Variants in SLC9A8 observed in about 807,000 individuals in gnomAD.
SLC9A8 encodes sodium/hydrogen exchanger 8.
SLC9A8 carries 48 observed loss-of-function variants against 66.6 expected under a neutral mutation model. The observed-to-expected ratio is 0.72, with a 90% CI of 0.57 to 0.92. The LOEUF is 0.92. Among genes scored for constraint, SLC9A8 ranks in the 40% least tolerant of loss-of-function variants. The pLI is 0.00. For synonymous variants in SLC9A8, 274 were observed against 282.6 expected (o/e 0.97, Z 0.31); for missense variants, 599 against 747.3 (o/e 0.80, Z 2.31).
chr20:49,852,897 A>G (rs1442271706), intron 7 of SLC9A8, among the ~76,000 whole-genome samples: 1 of 151,812 alleles, frequency 6.6e-6, no homozygotes, highest in African/African-American at 2.4e-5. Context: ...AAGGTTGAGC[A>G]TGCGCACCCG....
intron 2 of SLC9A8, among the ~76,000 whole-genome samples, chr20:49,819,498 C>G (rs1378791887): frequency 6.6e-6 from 1 of 152,078 alleles, no homozygotes; most frequent in African/African-American, 2.4e-5. Context: ...TCTTGGAGAT[C>G]ATTGTATTGG....
At chr20:49,864,187 G>A (rs144040399) in intron 9 of SLC9A8, among the ~76,000 whole-genome samples, 1 of 152,290 alleles carries the variant, frequency 6.6e-6, no homozygotes, top group Non-Finnish European at 1.5e-5. Context: ...CTTTCACAGG[G>A]GCATGAGTTT....
At position 49,850,865 on chromosome 20, in the gene SLC9A8, C is replaced by CTTA. The variant is rs768707130; in HGVS notation, c.569+21_569+22insTTA. The CTTA allele has an allele frequency of 3.2e-6, 5 of 1,570,770 alleles. No individual in the cohort carries two copies. The African/African-American group carries it at 5.5e-5, about 17-fold the overall frequency. On this transcript the variant is annotated intron_variant, in intron 7 of 15. Transcript: ENST00000361573. ...GACAGGTAAATCCTTCATACTGTAA[C>CTTA]ACCCATGCGACTGCTTTTCAGACAG...
chr20:49,869,301 CCTCTGCCTCCCAGGTTCAAGCAATT>C (rs1381981199), intron 10 of SLC9A8, among the ~76,000 whole-genome samples: 1 of 152,132 alleles, frequency 6.6e-6, no homozygotes, highest in African/African-American at 2.4e-5. Flanking sequence ...CTCACTGCGA[CCTCTGCCTCCCAGGTTCAAGCAATT>C]CTCTGCCTCA....
chr20:49,813,071 T>G, intron 1 of SLC9A8, 123 bp downstream of exon 1: 1 of 580,400 alleles, frequency 1.7e-6, no homozygotes, highest in Non-Finnish European at 2.5e-6. Flanking sequence ...TGGCCAGGAC[T>G]GACCAAGCCG....
chr20:49,826,262 A>G (rs2086908503), intron 3 of SLC9A8, among the ~76,000 whole-genome samples: 1 of 152,234 alleles, frequency 6.6e-6, no homozygotes, highest in Non-Finnish European at 1.5e-5. Flanking sequence ...TCTGTATTTC[A>G]TAAAGCTAAA....
chr20:49,820,280 G>C (rs2072250884), intron 2 of SLC9A8, among the ~76,000 whole-genome samples: 1 of 152,046 alleles, frequency 6.6e-6, no homozygotes, highest in South Asian at 2.1e-4. Flanking sequence ...CTTGAGGCCA[G>C]GAGTTCGAGA....
At position 49,837,336 on chromosome 20, in the gene SLC9A8, G is replaced by C. The variant is rs557599785; in HGVS notation, c.290-2205G>C. Among the ~76,000 whole-genome samples the C allele has an allele frequency of 2.0e-5, 3 of 152,216 alleles. No individual in the cohort carries two copies. The South Asian group carries it at 6.2e-4, about 32-fold the overall frequency. On this transcript the variant is annotated intron_variant, in intron 3 of 15. Transcript: ENST00000361573. ...GACCTCCTGAGGCTGTGTCAAGGGT[G>C]GTCATCCTTAATGTTGGCAAAATAA...
intron 2 of SLC9A8, among the ~76,000 whole-genome samples, chr20:49,817,029 A>G (rs1424463126): frequency 6.7e-6 from 1 of 148,860 alleles, no homozygotes; most frequent in Non-Finnish European, 1.5e-5. Context: ...CGCCCAGCCA[A>G]GTCCAAATTC....
At chr20:49,813,167 C>T (rs538192385) in intron 1 of SLC9A8, among the ~76,000 whole-genome samples, 4 of 152,358 alleles carry the variant, frequency 2.6e-5, no homozygotes, top group Admixed American at 6.5e-5. Flanking sequence ...AGCTGGGAAT[C>T]TACTGCCCAG....
At chr20:49,849,489 T>G (rs1203852389) in intron 5 of SLC9A8, 90 bp from the exon 6 acceptor site, 1 of 970,390 alleles carries the variant, frequency 1.0e-6, no homozygotes, top group Non-Finnish European at 1.6e-6. Flanking sequence ...GAGAATCAAG[T>G]CTGCACGGAG....
In SLC9A8 at chr20:49,850,830, CAACAT is replaced by C; in HGVS notation, c.556_560del (p.Asn186AspfsTer54). 6.2e-7 allele frequency: 1 copy of C among 1,610,068 alleles called. No individual in the cohort carries two copies. The highest frequency in any genetic ancestry group is 8.5e-7 in the Non-Finnish European group (1 of 1,178,632). Reference sequence around the variant, plus strand: ...TACAGGCTGATGTAATCTCTAAACTCAACATGACAGACAGGTAAATCCTTCATACT... The same window carrying C: ...TACAGGCTGATGTAATCTCTAAACTCGACAGACAGGTAAATCCTTCATACT... On this transcript the variant is annotated frameshift_variant, in exon 7 of 16. Transcript: ENST00000361573. LOFTEE classifies it high-confidence loss of function.
Position 49,874,798 on chromosome 20 carries a change from T to A in SLC9A8, c.1052T>A (p.Leu351His). 1 of 1,613,214 alleles carries A rather than the reference T, an allele frequency of 6.2e-7. No individual in the cohort carries two copies. Among genetic ancestry groups the A allele is most frequent in the South Asian group, 1.1e-5 (1 of 91,066 alleles). ...ACCCAGATCCTCATGCAGCAGACCC[T>A]CCGCACCGTGGCCTTCTTATGTGGT... is the stretch of plus-strand genomic sequence containing the variant. ...PVTQILMQQT[L>H]RTVAFLCETC... is the part of the protein sequence containing the mutation. Residue 351 changes from leucine to histidine, a missense_variant, in exon 11 of 16, where the codon CTC becomes CAC. Transcript: ENST00000361573.
intron 7 of SLC9A8, among the ~76,000 whole-genome samples, chr20:49,852,578 A>C (rs1020666269): frequency 7.2e-5 from 11 of 152,108 alleles, no homozygotes; most frequent in African/African-American, 2.7e-4. Flanking sequence ...CATTTTGTTA[A>C]TGTTGCTATC....
chr20:49,875,677 G>T (rs1318979937), intron 11 of SLC9A8, among the ~76,000 whole-genome samples: 2 of 152,028 alleles, frequency 1.3e-5, no homozygotes, highest in East Asian at 1.9e-4. Context: ...CTTTAAGCTG[G>T]CCCCCAAGTG....
intron 10 of SLC9A8, among the ~76,000 whole-genome samples, chr20:49,869,458 G>A (rs1044103274): frequency 1.2e-4 from 18 of 151,348 alleles, no homozygotes; most frequent in African/African-American, 3.9e-4. Context: ...TCCTGACCTC[G>A]TGATCTGTCC....
intron 15 of SLC9A8, 91 bp from the exon 16 acceptor site, chr20:49,887,737 AG>A: frequency 1.0e-6 from 1 of 952,440 alleles, no homozygotes; most frequent in Non-Finnish European, 1.6e-6. Context: ...CCTCCTCCCT[AG>A]ACACCCCACA....
Position 49,815,034 on chromosome 20 carries a change from G to A in SLC9A8, c.53G>A (p.Gly18Asp). 1 of 1,597,698 alleles carries A rather than the reference G, an allele frequency of 6.3e-7. No homozygotes were observed. The highest frequency in any genetic ancestry group is 8.5e-7 in the Non-Finnish European group (1 of 1,171,600). Reference sequence around the variant, plus strand: ...AGGTTCCCCAATACAACTCATGAGGGTTTCAATGTCACCCTCCACACCACC... The same window carrying A: ...AGGTTCCCCAATACAACTCATGAGGATTTCAATGTCACCCTCCACACCACC... The part of the protein sequence containing the change: ...EERFPNTTHE[G>D]FNVTLHTTLV... Residue 18 changes from glycine to aspartate, a missense_variant, in exon 2 of 16, where the codon GGT becomes GAT. Around this residue, in one of 2 missense-constraint regions of SLC9A8, gnomAD observed 132 missense variants for 120.9 expected, o/e 1.09. Coordinates refer to ENST00000361573, the MANE Select transcript of SLC9A8 (RefSeq NM_015266.3).
At chr20:49,887,524 C>G (rs910784681) in intron 15 of SLC9A8, among the ~76,000 whole-genome samples, 1 of 152,146 alleles carries the variant, frequency 6.6e-6, no homozygotes, top group Admixed American at 6.5e-5. Context: ...GCAGTAACCC[C>G]GCAAGGTCAC....
Sources: allele counts gnomAD v4.1 joint callset (sites outside exome capture counted in the v4.1 genomes callset), GRCh38; gene constraint gnomAD v4.1.1; regional missense constraint gnomAD v4.1.1; transcripts MANE v1.5; gene names NCBI Gene and HGNC (gene_info 2026-07-23, HGNC 2026-07-21).